MYH16: variants seen among roughly 807,000 people sequenced by gnomAD.
MYH16 encodes putative uncharacterized protein MYH16.
At position 99,297,888 on chromosome 7, in the gene MYH16, G is replaced by C. The variant is rs1792525934; in HGVS notation, n.4637-4G>C. The C allele has an allele frequency of 2.2e-6, 1 of 456,724 alleles. No individual in the cohort carries two copies. The highest frequency in any genetic ancestry group is 4.4e-6 in the Non-Finnish European group (1 of 226,976). The allele number at this position is 456,724 out of a possible 1,614,324, so 28.3% of individuals were successfully genotyped here. Reference sequence around the variant, plus strand: ...AGAAAGACTCATGGTTATATTTCTGGTAGGTTGAAGAGAGCAAGGTGATTC... The same window carrying C: ...AGAAAGACTCATGGTTATATTTCTGCTAGGTTGAAGAGAGCAAGGTGATTC... On this transcript the variant is annotated splice_region_variant and splice_polypyrimidine_tract_variant and intron_variant and non_coding_transcript_variant, in intron 35 of 41. Coordinates refer to ENST00000439784, the Ensembl canonical transcript of MYH16.
At chr7:99,308,293 TAAAAAAA>T (rs10556699), downstream of MYH16, among the ~76,000 whole-genome samples, 1 of 40,158 alleles carries the variant, frequency 2.5e-5, no homozygotes, top group African/African-American at 8.9e-5. Context: ...AGGCTCTGTC[TAAAAAAA>T]AAAAAAAAAA....
At chr7:99,243,782 T>TAGCCATTCATTCATCCATCC (rs1791695969) in intron 2 of MYH16, among the ~76,000 whole-genome samples, 1 of 150,404 alleles carries the variant, frequency 6.6e-6, no homozygotes, top group Admixed American at 6.6e-5. Flanking sequence ...TTCATCCATC[T>TAGCCATTCATTCATCCATCC]ATCCATTCAT....
At chr7:99,292,369 A>G (rs1264453921) in exon 32 of MYH16, 1 of 456,928 alleles carries the variant, frequency 2.2e-6, no homozygotes, top group East Asian at 7.0e-5. Context: ...GGACCTAGTA[A>G]AGGAGCAGCT....
intron 38 of MYH16, 49 bp from the exon 20 acceptor site, chr7:99,303,016 G>A (rs1466938373): frequency 6.6e-6 from 1 of 152,644 alleles, no homozygotes; most frequent in Non-Finnish European, 1.5e-5. Context: ...ACACAGGAAG[G>A]CCCATGCAGA....
At chr7:99,245,069 G>C (rs914080536) in intron 2 of MYH16, among the ~76,000 whole-genome samples, 1 of 152,212 alleles carries the variant, frequency 6.6e-6, no homozygotes, top group East Asian at 1.9e-4. Context: ...ACCACAGCAG[G>C]GAGGTAACTG....
intron 20 of MYH16, among the ~76,000 whole-genome samples, chr7:99,276,570 G>A (rs1272559064): frequency 6.6e-6 from 1 of 152,256 alleles, no homozygotes; most frequent in Non-Finnish European, 1.5e-5. Flanking sequence ...AGGTCCCGAT[G>A]GGTGCTGCGG....
intron 23 of MYH16, among the ~76,000 whole-genome samples, chr7:99,282,114 C>A (rs560625761): frequency 5.3e-5 from 8 of 152,324 alleles, no homozygotes; most frequent in African/African-American, 1.9e-4. Flanking sequence ...CCTCCGCCTC[C>A]CGGGTTCAAG....
At chr7:99,277,740 G>A (rs961454953) in intron 21 of MYH16, 28 bp downstream of exon 3, 3 of 448,716 alleles carry the variant, frequency 6.7e-6, no homozygotes, top group East Asian at 7.0e-5. Context: ...GGAGAAGGGT[G>A]GGAAACCCAT....
chr7:99,247,687 C>T (rs1196275766), exon 3 of MYH16: 3 of 198,858 alleles, frequency 1.5e-5, no homozygotes, highest in African/African-American at 2.3e-5. Flanking sequence ...GGGCAAGAAG[C>T]GCACAGAGAT....
At chr7:99,250,529 C>G (rs1331891752) in intron 5 of MYH16, among the ~76,000 whole-genome samples, 4 of 152,122 alleles carry the variant, frequency 2.6e-5, no homozygotes, top group Admixed American at 2.6e-4. Context: ...TCGCTTGAGT[C>G]CCTGAGTTCA....
At chr7:99,301,252 G>A (rs932379543) in intron 37 of MYH16, among the ~76,000 whole-genome samples, 5 of 151,518 alleles carry the variant, frequency 3.3e-5, no homozygotes, top group East Asian at 1.9e-4. Flanking sequence ...AGAAGAGAGC[G>A]GAGCATCAGC....
exon 4 of MYH16, chr7:99,249,004 G>C (rs899917813): frequency 6.6e-6 from 1 of 152,668 alleles, no homozygotes; most frequent in Non-Finnish European, 1.5e-5. Context: ...GTGAGAATCA[G>C]TCTATGCTAA....
At chr7:99,293,559 G>C (rs1466488640) in intron 32 of MYH16, among the ~76,000 whole-genome samples, 1 of 152,086 alleles carries the variant, frequency 6.6e-6, no homozygotes, top group Non-Finnish European at 1.5e-5. Context: ...TCCATTCCCT[G>C]GCTTAGACCT....
At chr7:99,241,868 T>TG (rs1005343951) in intron 1 of MYH16, among the ~76,000 whole-genome samples, 12 of 151,088 alleles carry the variant, frequency 7.9e-5, no homozygotes, top group South Asian at 2.1e-4. Context: ...AGTTTTTTTT[T>TG]TTTGTTTAGT....
At chr7:99,308,635 C>T (rs1792715385), downstream of MYH16, among the ~76,000 whole-genome samples, 1 of 152,200 alleles carries the variant, frequency 6.6e-6, no homozygotes, top group Admixed American at 6.5e-5. Flanking sequence ...GGCCTGGCTC[C>T]AGACCTATGC....
chr7:99,273,183 C>A (rs1300414014), intron 19 of MYH16, among the ~76,000 whole-genome samples, 106 bp downstream of exon 1: 1 of 152,170 alleles, frequency 6.6e-6, no homozygotes, highest in Non-Finnish European at 1.5e-5. Flanking sequence ...AGTCTCCCTG[C>A]CGCAGACCAC....
chr7:99,246,784 G>A (rs1326643898), intron 2 of MYH16, among the ~76,000 whole-genome samples: 1 of 151,682 alleles, frequency 6.6e-6, no homozygotes, highest in Non-Finnish European at 1.5e-5. Context: ...GGTGGGGGTG[G>A]GCATGGAGCA....
intron 23 of MYH16, among the ~76,000 whole-genome samples, chr7:99,281,649 G>A (rs1455679686): frequency 2.4e-4 from 37 of 152,178 alleles, no homozygotes; most frequent in Non-Finnish European, 2.9e-5. Flanking sequence ...GGGGTGGAGT[G>A]GGGTGTATGG....
At chr7:99,299,980 A>G (rs969091647) in intron 37 of MYH16, among the ~76,000 whole-genome samples, 2 of 127,794 alleles carry the variant, frequency 1.6e-5, no homozygotes, top group Non-Finnish European at 3.4e-5. Context: ...TATTTATTTG[A>G]TGGAGTTTTG....
Sources: gnomAD v4.1 joint callset for allele counts (sites outside exome capture counted in the v4.1 genomes callset) on GRCh38, gnomAD v4.1.1 for gene constraint, MANE v1.5 for transcripts, NCBI Gene and HGNC (gene_info 2026-07-23, HGNC 2026-07-21) for gene names.